Variants in EHMT1 observed in about 807,000 individuals in gnomAD.
The protein encoded by EHMT1 is histone-lysine N-methyltransferase EHMT1.
EHMT1 carries 15 observed loss-of-function variants against 147.2 expected under a neutral mutation model. The ratio of observed to expected loss-of-function variants is 0.10; its 90% confidence interval spans 0.07 to 0.16. The LOEUF is 0.16. Among genes scored for constraint, EHMT1 ranks in the 10% least tolerant of loss-of-function variants. The probability of loss-of-function intolerance (pLI) is 1.00; values close to 1 mark genes in which losing one functional copy is unlikely to be tolerated. For synonymous variants in EHMT1, 795 were observed against 709.6 expected (o/e 1.12, Z -1.91); for missense variants, 1,587 against 1,772.4 (o/e 0.90, Z 1.88).
chr9:137,717,361 G>A, intron 3 of EHMT1, 179 bp downstream of exon 3: 1 of 817,790 alleles, frequency 1.2e-6, no homozygotes, highest in Non-Finnish European at 2.0e-6. Context: ...GCAGCACTTT[G>A]GGAGGCTGAG....
intron 1 of EHMT1, among the ~76,000 whole-genome samples, chr9:137,696,026 G>A (rs946952078): frequency 1.1e-4 from 16 of 152,160 alleles, no homozygotes; most frequent in African/African-American, 3.9e-4. Context: ...AGATGGAAAG[G>A]GAATCTGTCC....
At position 137,800,296 on chromosome 9, in the gene EHMT1, C is replaced by T. The variant is rs1364122353; in HGVS notation, c.2608-584C>T. The T allele has an allele frequency of 2.6e-5, 4 of 156,396 alleles. No individual in the cohort carries two copies. In the East Asian group the frequency reaches 7.6e-4, roughly 30 times the overall value. 9.7% of individuals were successfully genotyped at this position (156,396 alleles called of 1,614,324 possible). ...GAGTGGCAGGAGCCGCAGAGCTGAT[C>T]AGCCTGGGTGGGCATTCTGCTCCCT... On this transcript the variant is annotated intron_variant, in intron 17 of 26. Coordinates refer to ENST00000460843, the MANE Select transcript of EHMT1 (RefSeq NM_024757.5).
At position 137,631,997 on chromosome 9, in the gene EHMT1, C is replaced by T. The variant is rs376652611; in HGVS notation, c.21+12948C>T. 1.9e-4 allele frequency among the ~76,000 whole-genome samples: 29 copies of T among 152,310 alleles called. No homozygotes were observed. The East Asian group carries it at 3.9e-3, about 20-fold the overall frequency. On this transcript the variant is annotated intron_variant, in intron 1 of 26. Coordinates refer to ENST00000460843, the MANE Select transcript of EHMT1 (RefSeq NM_024757.5). Reference sequence around the variant, plus strand: ...TTTCTGTGTTCAGACGCACATGTGTCATTGTGTTGCACTTACCTGCAGTAA... The same window carrying T: ...TTTCTGTGTTCAGACGCACATGTGTTATTGTGTTGCACTTACCTGCAGTAA...
intron 2 of EHMT1, 124 bp downstream of exon 2, chr9:137,711,154 T>C (rs944167708): frequency 6.4e-5 from 63 of 979,726 alleles, no homozygotes; most frequent in Non-Finnish European, 9.1e-5. Flanking sequence ...GTTTATGGTA[T>C]AGTTTCTAAT....
intron 4 of EHMT1, among the ~76,000 whole-genome samples, chr9:137,729,706 C>T (rs977116327): frequency 4.6e-5 from 7 of 152,164 alleles, no homozygotes; most frequent in Non-Finnish European, 2.9e-5. Flanking sequence ...ATCTCGCCCC[C>T]GGCCCCCCCA....
rs570625469 is a variant in EHMT1, at chr9:137,731,866, C to G, written c.823+3337C>G. On this transcript the variant is annotated intron_variant, in intron 4 of 26. Coordinates refer to ENST00000460843, the MANE Select transcript of EHMT1 (RefSeq NM_024757.5). The surrounding 1 kb of genome is among the most constrained non-coding windows in gnomAD (Gnocchi z 4.3). ...TTGGCTGCTGTGGTGGGGCAGGCAG[C>G]TCCAGGCTCTGGCTCTGTGCAGAGC... Among the ~76,000 whole-genome samples, 2 of 152,206 alleles carry G rather than the reference C, an allele frequency of 1.3e-5. No homozygotes were observed. Among genetic ancestry groups the G allele is most frequent in the Non-Finnish European group, 2.9e-5 (2 of 68,028 alleles).
intron 1 of EHMT1, among the ~76,000 whole-genome samples, chr9:137,677,737 A>G: frequency 6.6e-6 from 1 of 152,094 alleles, no homozygotes; most frequent in East Asian, 1.9e-4. Context: ...GTTACTATAT[A>G]ACACAACACT....
chr9:137,834,263 G>C (rs543809823), intron 25 of EHMT1, 86 bp from the exon 26 acceptor site: 31 of 1,559,196 alleles, frequency 2.0e-5, no homozygotes, highest in Non-Finnish European at 2.4e-5. Context: ...TGCAGGCTCC[G>C]GGACTGCCAT....
intron 1 of EHMT1, among the ~76,000 whole-genome samples, chr9:137,635,751 C>T (rs181513979): frequency 0.089 from 13,316 of 150,200 alleles, 657 homozygotes; most frequent in Middle Eastern, 0.19. Context: ...ACCTGGGAGG[C>T]GGAGCTTGCA....
At chr9:137,652,688 T>C (rs552233444) in intron 1 of EHMT1, among the ~76,000 whole-genome samples, 2 of 147,774 alleles carry the variant, frequency 1.4e-5, no homozygotes, top group South Asian at 4.3e-4. Context: ...GCCTGGCTAG[T>C]GTATCTTAGT....
At position 137,623,971 on chromosome 9, in the gene EHMT1, C is replaced by T. The variant is rs192188264; in HGVS notation, c.21+4922C>T. ...AGTACCTGGGACGGCAGGTGTGTGC[C>T]GCCATACCCGGTTGATTTTTCTTTC... is the stretch of plus-strand genomic sequence containing the variant. On this transcript the variant is annotated intron_variant, in intron 1 of 26. Transcript: ENST00000460843. Among the ~76,000 whole-genome samples the T allele has an allele frequency of 1.5e-3, 227 of 151,508 alleles. 2 individuals are homozygous for T. The highest frequency in any genetic ancestry group is 2.6e-3 in the Admixed American group (39 of 15,152).
At chr9:137,728,552 C>A in intron 4 of EHMT1, 23 bp downstream of exon 4, 3 of 1,613,982 alleles carry the variant, frequency 1.9e-6, no homozygotes, top group Non-Finnish European at 2.5e-6. Context: ...CGGCAACTGT[C>A]TCTGCTCTTT....
At position 137,666,221 on chromosome 9, in the gene EHMT1, T is replaced by C. The variant is rs1939630600; in HGVS notation, c.22-44746T>C. On this transcript the variant is annotated intron_variant, in intron 1 of 26. Coordinates refer to ENST00000460843, the MANE Select transcript of EHMT1 (RefSeq NM_024757.5). ...TGTTTTGCTCTCTGGTCACCCACCA[T>C]GTGCACTTTCTTGGGAGTGGGATGG... 1.3e-5 allele frequency among the ~76,000 whole-genome samples: 2 copies of C among 152,228 alleles called. 1 individual carries two copies. Among genetic ancestry groups the C allele is most frequent in the South Asian group, 4.1e-4 (2 of 4,838 alleles).
intron 8 of EHMT1, among the ~76,000 whole-genome samples, chr9:137,755,058 G>A (rs1165623668): frequency 6.6e-6 from 1 of 152,232 alleles, no homozygotes; most frequent in Non-Finnish European, 1.5e-5. Context: ...GCCAAGGGCC[G>A]TTTTTGTTTC....
At chr9:137,754,851 T>C (rs925700611) in intron 8 of EHMT1, among the ~76,000 whole-genome samples, 1 of 152,150 alleles carries the variant, frequency 6.6e-6, no homozygotes, top group Non-Finnish European at 1.5e-5. Context: ...CCGAGGTGAA[T>C]CATTTGCTGC....
intron 21 of EHMT1, chr9:137,814,156 C>T: frequency 1.9e-6 from 1 of 536,686 alleles, no homozygotes; most frequent in South Asian, 1.9e-5. Flanking sequence ...CGCCGCCCAG[C>T]CCTTCACCCA....
At chr9:137,634,070 C>T (rs1486675858) in intron 1 of EHMT1, among the ~76,000 whole-genome samples, 1 of 152,200 alleles carries the variant, frequency 6.6e-6, no homozygotes, top group Non-Finnish European at 1.5e-5. Flanking sequence ...GCCTCGGCCT[C>T]TCAAAGTGCT....
intron 6 of EHMT1, chr9:137,745,543 TACAGGAACTTCCTTAG>T (rs1439034783): frequency 7.5e-6 from 3 of 398,482 alleles, no homozygotes; most frequent in Non-Finnish European, 1.3e-5. Flanking sequence ...AAACAGTCAC[TACAGGAACTTCCTTAG>T]ACGTGCCCAG....
At chr9:137,692,453 C>T (rs1943021097) in intron 1 of EHMT1, among the ~76,000 whole-genome samples, 1 of 151,634 alleles carries the variant, frequency 6.6e-6, no homozygotes, top group Non-Finnish European at 1.5e-5. Flanking sequence ...TTAGTGGAAA[C>T]GGGGTTTCGC....
Sources: gnomAD v4.1 joint callset for allele counts (sites outside exome capture counted in the v4.1 genomes callset) on GRCh38, gnomAD v4.1.1 for gene constraint, Gnocchi (gnomAD v3.1) non-coding constraint, MANE v1.5 for transcripts, NCBI Gene and HGNC (gene_info 2026-07-23, HGNC 2026-07-21) for gene names.